The following EDNRB variants were observed in gnomAD, a reference collection of about 807,000 sequenced individuals.
EDNRB encodes the protein Hirschsprung disease 2.
Under a neutral mutation model 46.4 loss-of-function variants are expected in EDNRB, and 18 were observed. The observed-to-expected ratio is 0.39, with a 90% confidence interval of 0.27 to 0.57. EDNRB has a LOEUF of 0.57. EDNRB is among the 20% of genes least tolerant of loss of function. EDNRB has a pLI of 0.61. For synonymous variants in EDNRB, 213 were observed against 204.9 expected, an observed-to-expected ratio of 1.04 and a Z score of -0.34; for missense variants, 434 against 537.5, an observed-to-expected ratio of 0.81 and a Z score of 1.90.
intron 1 of EDNRB, among the ~76,000 whole-genome samples, chr13:77,946,039 C>T (rs1483097636): frequency 5.3e-5 from 8 of 152,130 alleles, no homozygotes; most frequent in Non-Finnish European, 8.8e-5. Context: ...TTTACCATGC[C>T]GTGAATCCTG....
chr13:77,962,632 G>A (rs1881458105), intron 1 of EDNRB, among the ~76,000 whole-genome samples: 1 of 152,086 alleles, frequency 6.6e-6, no homozygotes, highest in Non-Finnish European at 1.5e-5. Flanking sequence ...AAAATCATAA[G>A]AGCTATTTAT....
chr13:77,938,314 C>T (rs913733971), intron 1 of EDNRB, among the ~76,000 whole-genome samples: 3 of 150,324 alleles, frequency 2.0e-5, no homozygotes, highest in African/African-American at 7.4e-5. Flanking sequence ...GAGGTCACAG[C>T]AGAGAAATAA....
At chr13:77,910,904 A>G (rs1879534374) in intron 1 of EDNRB, among the ~76,000 whole-genome samples, 1 of 152,086 alleles carries the variant, frequency 6.6e-6, no homozygotes, top group South Asian at 2.1e-4. Flanking sequence ...AAAATCTCTA[A>G]GAGAAACATA....
intron 1 of EDNRB, among the ~76,000 whole-genome samples, chr13:77,943,738 T>C (rs141549099): frequency 1.9e-4 from 29 of 152,202 alleles, no homozygotes; most frequent in African/African-American, 6.0e-4. Flanking sequence ...TCTCTTCTAT[T>C]GGCTTTTTCA....
intron 1 of EDNRB, among the ~76,000 whole-genome samples, chr13:77,964,821 C>G (rs539977331): frequency 1.3e-5 from 2 of 151,558 alleles, no homozygotes; most frequent in Non-Finnish European, 2.9e-5. Flanking sequence ...AAAAAAAAGT[C>G]AGCAGATTTG....
intron 1 of EDNRB, among the ~76,000 whole-genome samples, chr13:77,905,102 C>A (rs1879207083): frequency 1.3e-5 from 2 of 151,874 alleles, no homozygotes; most frequent in Admixed American, 1.3e-4. Flanking sequence ...AATGTAGGAT[C>A]CTGAAGACCT....
chr13:77,939,548 T>A (rs1338181554), intron 1 of EDNRB: 2 of 152,242 alleles, frequency 1.3e-5, no homozygotes, highest in African/African-American at 4.8e-5. Flanking sequence ...CTGCTTTGCA[T>A]GTTGTAGGTG....
Position 77,957,762 on chromosome 13 carries a change from A to G in EDNRB, c.-52+17585T>C, listed in dbSNP as rs1368647548. Among the ~76,000 whole-genome samples the G allele has an allele frequency of 2.6e-5, 4 of 152,240 alleles. No homozygotes were observed. In the East Asian group the frequency reaches 7.7e-4, roughly 29 times the overall value. On this transcript the variant is annotated intron_variant, in intron 1 of 7. Coordinates refer to the EDNRB transcript ENST00000646948. ...TTCTTGTCCACTCATATCCTATGAT[A>G]TATTTTGTGAAGGAAACCATATATA...
Position 77,900,548 on chromosome 13 carries a change from T to C in EDNRB, c.1058A>G (p.Asn353Ser). Reference sequence around the variant, plus strand: ...CAAAAGTTCACATCTATTGGGATCATTCTGATTATAAAGAGTGAGCTTCAG... The same window carrying C: ...CAAAAGTTCACATCTATTGGGATCACTCTGATTATAAAGAGTGAGCTTCAG... ...RILKLTLYNQ[N>S]DPNRCELLSF... Residue 353 changes from asparagine (N) to serine (S), a missense_variant, in exon 5 of 7, where the codon AAT becomes AGT. Coordinates refer to ENST00000646607, the MANE Select transcript of EDNRB (RefSeq NM_001122659.3). 6.2e-7 allele frequency: 1 copy of C among 1,612,542 alleles called. No homozygotes were observed. Among genetic ancestry groups the C allele is most frequent in the Non-Finnish European group, 8.5e-7 (1 of 1,179,024 alleles).
At chr13:77,934,750 T>C (rs1230738233) in intron 1 of EDNRB, among the ~76,000 whole-genome samples, 1 of 151,802 alleles carries the variant, frequency 6.6e-6, no homozygotes, top group Non-Finnish European at 1.5e-5. Context: ...AGTTATTTCC[T>C]TGAGATAGAT....
intron 1 of EDNRB, among the ~76,000 whole-genome samples, chr13:77,968,605 A>T (rs2137692959): frequency 6.6e-6 from 1 of 152,312 alleles, no homozygotes; most frequent in East Asian, 1.9e-4. Context: ...ACATGAAAAT[A>T]AAAATAATTA....
chr13:77,956,339 C>T lies in EDNRB; in HGVS notation c.-52+19008G>A, dbSNP rs1054421897. Among the ~76,000 whole-genome samples the T allele has an allele frequency of 2.0e-5, 3 of 152,168 alleles. No homozygotes were observed. In the South Asian group the frequency reaches 6.2e-4, roughly 32 times the overall value. ...ATGTGTCATTTTTAGTGTACAAAAA[C>T]TGAACTGACTTTTTATGTTAATGTA... On this transcript the variant is annotated intron_variant, in intron 1 of 7. Transcript: ENST00000646948.
chr13:77,930,235 A>G (rs1880354348), intron 1 of EDNRB, among the ~76,000 whole-genome samples: 1 of 152,226 alleles, frequency 6.6e-6, no homozygotes, highest in African/African-American at 2.4e-5. Flanking sequence ...TAAGCACTTG[A>G]AAATAAACCA....
intron 1 of EDNRB, among the ~76,000 whole-genome samples, chr13:77,910,304 A>G (rs1305972189): frequency 1.3e-5 from 2 of 152,026 alleles, no homozygotes; most frequent in African/African-American, 4.8e-5. Flanking sequence ...TTTCACAGTA[A>G]GAGTCAAAAA....
chr13:77,944,344 A>G (rs1880841097), intron 1 of EDNRB, among the ~76,000 whole-genome samples: 1 of 152,070 alleles, frequency 6.6e-6, no homozygotes, highest in Admixed American at 6.6e-5. Flanking sequence ...CATCTATCTA[A>G]TATGTTGTCT....
chr13:77,919,472 C>G, upstream of EDNRB: 1 of 1,612,790 alleles, frequency 6.2e-7, no homozygotes, highest in Non-Finnish European at 8.5e-7. Context: ...CAGCTGGGTT[C>G]CAGCCTGCTC....
intron 1 of EDNRB, among the ~76,000 whole-genome samples, chr13:77,927,598 G>T (rs1880273433): frequency 6.6e-6 from 1 of 152,224 alleles, no homozygotes; most frequent in African/African-American, 2.4e-5. Context: ...GTCAGTGAAT[G>T]ATTATCATTA....
intron 1 of EDNRB, among the ~76,000 whole-genome samples, chr13:77,961,005 A>G: frequency 6.6e-6 from 1 of 152,214 alleles, no homozygotes; most frequent in East Asian, 1.9e-4. Flanking sequence ...TGTCCTAAAT[A>G]TATATGCACC....
At position 77,907,776 on chromosome 13, in the gene EDNRB, C is replaced by G. The variant is rs562741766; in HGVS notation, c.484-4169G>C. Among the ~76,000 whole-genome samples, 3 of 151,980 alleles carry G rather than the reference C, an allele frequency of 2.0e-5. No homozygotes were observed. In the South Asian group the frequency reaches 6.2e-4, roughly 32 times the overall value. ...CTGGCTGATGAAAATGAGCTCTGCACTGAATCCAGGCCATGTTTTGAGGTT... is the reference window on the plus strand; with the variant it reads ...CTGGCTGATGAAAATGAGCTCTGCAGTGAATCCAGGCCATGTTTTGAGGTT... On this transcript the variant is annotated intron_variant, in intron 1 of 6. Transcript: ENST00000646607.
Sources: allele counts gnomAD v4.1 joint callset (sites outside exome capture counted in the v4.1 genomes callset), GRCh38; gene constraint gnomAD v4.1.1; transcripts MANE v1.5; gene names NCBI Gene and HGNC (gene_info 2026-07-23, HGNC 2026-07-21).